The following SPEF2 variants were observed in gnomAD, a reference collection of about 807,000 sequenced individuals.
SPEF2 encodes sperm flagella and cilia-associated protein 2.
A neutral mutation model predicts 224.6 loss-of-function variants in SPEF2; 187 were observed. The ratio of observed to expected loss-of-function variants is 0.83; its 90% CI spans 0.74 to 0.94. The LOEUF is 0.94. SPEF2 is among the 40% of genes least tolerant of loss of function. SPEF2 has a pLI of 0.00. For missense variants in SPEF2, 2,170 were observed against 2,135.6 expected (o/e 1.02, Z -0.32); for synonymous variants, 715 against 707.3 (o/e 1.01, Z -0.17).
intron 7 of SPEF2, 49 bp from the exon 8 acceptor site, chr5:35,658,970 C>T (rs1424964213): frequency 1.4e-6 from 2 of 1,418,250 alleles, no homozygotes; most frequent in Non-Finnish European, 1.9e-6. Flanking sequence ...CGTAGCTCAG[C>T]GGGAAATTTG....
At chr5:35,694,918 A>G (rs1417538964) in intron 13 of SPEF2, among the ~76,000 whole-genome samples, 2 of 152,216 alleles carry the variant, frequency 1.3e-5, no homozygotes, top group African/African-American at 4.8e-5. Context: ...TTGTAGAACC[A>G]TTGAAGGAAA....
Position 35,773,988 on chromosome 5 carries a change from A to G in SPEF2, c.4045A>G (p.Lys1349Glu), listed in dbSNP as rs1554054562. The G allele has an allele frequency of 1.9e-6, 3 of 1,613,198 alleles. No individual in the cohort carries two copies. The South Asian group carries it at 3.3e-5, about 18-fold the overall frequency. ...KRKNELRVKI[K>E]EEHLAALQFE... ...GAAAAATGAACTGAGGGTCAAAATA[A>G]AAGAAGAACACCTTGCTGCCTTGCA... Residue 1349 changes from lysine to glutamate, a missense_variant, in exon 28 of 37, where the codon AAA (lysine) becomes GAA (glutamate). Physicochemically the swap from Lys to Glu is moderately conservative, Grantham distance 56 (BLOSUM62 1). Coordinates refer to ENST00000356031, the MANE Select transcript of SPEF2 (RefSeq NM_024867.4).
intron 10 of SPEF2, 44 bp downstream of exon 10, chr5:35,670,271 C>T (rs754501326): frequency 6.6e-7 from 1 of 1,524,694 alleles, no homozygotes; most frequent in South Asian, 1.3e-5. Flanking sequence ...ATAATAAATC[C>T]TTTTTCTTTA....
chr5:35,765,288 T>C (rs147998164), intron 26 of SPEF2, among the ~76,000 whole-genome samples: 1 of 152,226 alleles, frequency 6.6e-6, no homozygotes, highest in East Asian at 1.9e-4. Flanking sequence ...TTTTTGTTGC[T>C]GTATTGTGTT....
intron 30 of SPEF2, among the ~76,000 whole-genome samples, chr5:35,782,763 T>A (rs150960715): frequency 2.7e-4 from 41 of 151,702 alleles, no homozygotes; most frequent in African/African-American, 1.0e-3. Flanking sequence ...AAAATAGCCC[T>A]TACTAAAGAT....
At chr5:35,739,767 G>A in intron 21 of SPEF2, 152 bp from the exon 22 acceptor site, 1 of 756,230 alleles carries the variant, frequency 1.3e-6, no homozygotes, top group Non-Finnish European at 2.1e-6. Flanking sequence ...TGGGAGGCGT[G>A]TGAGAGAAGA....
chr5:35,651,976 C>T (rs1320396659), intron 6 of SPEF2, among the ~76,000 whole-genome samples: 1 of 152,088 alleles, frequency 6.6e-6, no homozygotes, highest in Admixed American at 6.5e-5. Flanking sequence ...TTATTGGCTG[C>T]TGTAATTTGG....
Position 35,740,128 on chromosome 5 carries a change from G to A in SPEF2, c.3192-1G>A, listed in dbSNP as rs865854892. 1.2e-6 allele frequency: 2 copies of A among 1,614,084 alleles called. No individual in the cohort carries two copies. Among genetic ancestry groups the A allele is most frequent in the Non-Finnish European group, 1.7e-6 (2 of 1,180,014 alleles). On this transcript the variant is annotated splice_acceptor_variant, in intron 22 of 36. Transcript: ENST00000356031. LOFTEE classifies it high-confidence loss of function. ...TTATCTCATTCTATTAATGTCTACA[G>A]AACAAGTTTCCAGGAGTTTCTAAAG...
chr5:35,718,732 A>ACCTTTATCC (rs1743079942), intron 20 of SPEF2, among the ~76,000 whole-genome samples: 1 of 152,172 alleles, frequency 6.6e-6, no homozygotes, highest in Non-Finnish European at 1.5e-5. Context: ...TTTATCCATG[A>ACCTTTATCC]AACAGGAAGC....
intron 28 of SPEF2, among the ~76,000 whole-genome samples, chr5:35,775,756 G>A (rs1448903374): frequency 4.6e-5 from 7 of 152,046 alleles, no homozygotes; most frequent in Admixed American, 4.6e-4. Flanking sequence ...CAAACTATGC[G>A]ATGATGATGA....
intron 10 of SPEF2, among the ~76,000 whole-genome samples, chr5:35,681,692 A>C (rs760672164): frequency 6.6e-6 from 1 of 152,244 alleles, no homozygotes; most frequent in Non-Finnish European, 1.5e-5. Flanking sequence ...TAAGGATTTC[A>C]TAAATTTTTT....
chr5:35,730,743 C>G (rs1459597758), intron 21 of SPEF2, among the ~76,000 whole-genome samples: 1 of 152,188 alleles, frequency 6.6e-6, no homozygotes, highest in Non-Finnish European at 1.5e-5. Context: ...AAGGAAGGAT[C>G]TGGCAGAACA....
chr5:35,721,791 A>G (rs1743734548), intron 20 of SPEF2, among the ~76,000 whole-genome samples: 1 of 152,228 alleles, frequency 6.6e-6, no homozygotes, highest in Non-Finnish European at 1.5e-5. Context: ...TTTAAGAGAC[A>G]GAGTTAGGAA....
At chr5:35,807,939 T>C (rs899233133) in intron 36 of SPEF2, 3 of 1,398,130 alleles carry the variant, frequency 2.1e-6, no homozygotes, top group African/African-American at 1.4e-5. Context: ...CCCTCTCAGA[T>C]ACCAGTTTAA....
In SPEF2 at chr5:35,644,050, T is replaced by A. The variant is rs542530091; in HGVS notation, c.415-305T>A. Reference sequence around the variant, plus strand: ...AATGAAATTATTTTTGCAAAAAAAATAAATAAAATTTATTTCCAAGAATAT... The same window carrying A: ...AATGAAATTATTTTTGCAAAAAAAAAAAATAAAATTTATTTCCAAGAATAT... On this transcript the variant is annotated intron_variant, in intron 3 of 36. Transcript: ENST00000356031. Among the ~76,000 whole-genome samples the A allele has an allele frequency of 2.6e-5, 4 of 152,140 alleles. No individual in the cohort carries two copies. The South Asian group carries it at 8.3e-4, about 31-fold the overall frequency.
intron 30 of SPEF2, among the ~76,000 whole-genome samples, chr5:35,784,371 G>A (rs1309387159): frequency 6.6e-6 from 1 of 152,006 alleles, no homozygotes; most frequent in Admixed American, 6.6e-5. Context: ...CTCGCGATCC[G>A]CCCGCCTCAG....
chr5:35,671,132 T>C (rs1340907706), intron 10 of SPEF2: 2 of 985,172 alleles, frequency 2.0e-6, no homozygotes, highest in African/African-American at 1.7e-5. Flanking sequence ...AAGTGCAACA[T>C]GAAAAAAATC....
intron 8 of SPEF2, among the ~76,000 whole-genome samples, chr5:35,662,696 A>G (rs1457697920): frequency 1.3e-5 from 2 of 152,080 alleles, no homozygotes; most frequent in African/African-American, 4.8e-5. Context: ...TCCTTTCCCC[A>G]TTGCTTGTGT....
Position 35,783,896 on chromosome 5 carries a change from A to G in SPEF2, c.4447+4550A>G, listed in dbSNP as rs562744465. ...GTTCCTCTGTCTGCACTTAAGCCATAAGAACTCTTTTTCCTTGTAAGCCCA... is the reference window on the plus strand; with the variant it reads ...GTTCCTCTGTCTGCACTTAAGCCATGAGAACTCTTTTTCCTTGTAAGCCCA... On this transcript the variant is annotated intron_variant, in intron 30 of 36. Coordinates refer to ENST00000356031, the MANE Select transcript of SPEF2 (RefSeq NM_024867.4). 1.6e-3 allele frequency among the ~76,000 whole-genome samples: 249 copies of G among 152,292 alleles called. 15 individuals are homozygous for G. The South Asian group carries it at 0.051, about 31-fold the overall frequency.
Sources: allele counts gnomAD v4.1 joint callset (sites outside exome capture counted in the v4.1 genomes callset), GRCh38; gene constraint gnomAD v4.1.1; transcripts MANE v1.5; gene names NCBI Gene and HGNC (gene_info 2026-07-23, HGNC 2026-07-21).